The following PARD3 variants were observed in gnomAD, a reference collection of about 807,000 sequenced individuals.
The protein encoded by PARD3 is partitioning defective 3 homolog.
A neutral mutation model predicts 155.4 loss-of-function variants in PARD3; 75 were observed. The ratio of observed to expected loss-of-function variants is 0.48; its 90% CI spans 0.40 to 0.58. PARD3 has a LOEUF of 0.58. Among genes scored for constraint, PARD3 ranks in the 20% least tolerant of loss-of-function variants. The probability of loss-of-function intolerance (pLI) is 0.00; values close to 1 mark genes in which losing one functional copy is unlikely to be tolerated. For synonymous variants in PARD3, 576 were observed against 610.5 expected (o/e 0.94, Z 0.83); for missense variants, 1,642 against 1,721.7 (o/e 0.95, Z 0.82).
intron 1 of PARD3, among the ~76,000 whole-genome samples, chr10:34,727,062 T>C (rs1421579057): frequency 5.3e-5 from 8 of 152,220 alleles, no homozygotes; most frequent in Non-Finnish European, 1.0e-4. Context: ...CCACTGCTCT[T>C]ACCATTACAC....
intron 22 of PARD3, among the ~76,000 whole-genome samples, chr10:34,244,412 A>G (rs1358297489): frequency 6.6e-6 from 1 of 152,218 alleles, no homozygotes; most frequent in Non-Finnish European, 1.5e-5. Flanking sequence ...ACACAGACGA[A>G]CAGAGATACT....
rs376195839 is a variant in PARD3 at position 34,189,280 on chromosome 10, T to C, written c.3420-57697A>G. Among the ~76,000 whole-genome samples, 30 of 152,302 alleles carry C rather than the reference T, an allele frequency of 2.0e-4. No homozygotes were observed. The East Asian group carries it at 3.3e-3, about 17-fold the overall frequency. ...AGGAGCTGGAGGATGCAGTGAGCCATAACAGTGCCACTGCACTGCAGCCTG... is the reference window on the plus strand; with the variant it reads ...AGGAGCTGGAGGATGCAGTGAGCCACAACAGTGCCACTGCACTGCAGCCTG... On this transcript the variant is annotated intron_variant, in intron 22 of 24. Coordinates refer to ENST00000374788, the MANE Select transcript of PARD3 (RefSeq NM_001184785.2).
intron 22 of PARD3, among the ~76,000 whole-genome samples, chr10:34,170,003 G>C (rs138034977): frequency 1.1e-4 from 16 of 152,334 alleles, no homozygotes; most frequent in African/African-American, 3.8e-4. Flanking sequence ...TTCACTTGCA[G>C]AATCCTTAAC....
In PARD3 at chr10:34,616,359, T is replaced by C. The variant is rs573898653; in HGVS notation, c.222+79959A>G. On this transcript the variant is annotated intron_variant, in intron 2 of 24. Coordinates refer to ENST00000374788, the MANE Select transcript of PARD3 (RefSeq NM_001184785.2). ...TTAAAAAAAGCAGAACAATCATACA[T>C]CCAGCAACCCCACTGCTGCATATAC... is the stretch of plus-strand genomic sequence containing the variant. Among the ~76,000 whole-genome samples the C allele has an allele frequency of 2.0e-5, 3 of 152,046 alleles. No individual in the cohort carries two copies. The South Asian group carries it at 6.3e-4, about 32-fold the overall frequency.
chr10:34,669,342 G>A (rs868547990), intron 2 of PARD3, among the ~76,000 whole-genome samples: 1 of 152,282 alleles, frequency 6.6e-6, no homozygotes, highest in Middle Eastern at 3.4e-3. Context: ...ATTATCCAAA[G>A]TGAAACAACT....
chr10:34,607,774 G>A (rs1002226605), intron 2 of PARD3, among the ~76,000 whole-genome samples: 8 of 152,110 alleles, frequency 5.3e-5, no homozygotes, highest in African/African-American at 4.8e-5. Flanking sequence ...CAACTCCCAC[G>A]CCATTCTGTT....
intron 2 of PARD3, among the ~76,000 whole-genome samples, chr10:34,624,905 G>T (rs1461303745): frequency 6.6e-6 from 1 of 152,180 alleles, no homozygotes; most frequent in African/African-American, 2.4e-5. Flanking sequence ...GGCTTCTCAG[G>T]GCTCAGGCCA....
intron 24 of PARD3, 25 bp from the exon 25 acceptor site, chr10:34,111,587 G>C: frequency 5.7e-6 from 9 of 1,566,868 alleles, no homozygotes; most frequent in Non-Finnish European, 7.8e-6. Context: ...CCAAAGGTTA[G>C]TGTGAGGGTA....
intron 12 of PARD3, among the ~76,000 whole-genome samples, chr10:34,365,262 G>A (rs960707299): frequency 6.6e-6 from 1 of 151,994 alleles, no homozygotes; most frequent in African/African-American, 2.4e-5. Flanking sequence ...TGAAAGTCAG[G>A]AAAATTAAGA....
At chr10:34,646,960 T>C (rs1242810804) in intron 2 of PARD3, among the ~76,000 whole-genome samples, 5 of 152,246 alleles carry the variant, frequency 3.3e-5, no homozygotes, top group South Asian at 4.1e-4. Flanking sequence ...ATACCTCTGA[T>C]GGTCTCATAA....
chr10:34,321,676 T>C (rs942701143), intron 19 of PARD3, among the ~76,000 whole-genome samples: 1 of 152,172 alleles, frequency 6.6e-6, no homozygotes, highest in African/African-American at 2.4e-5. Context: ...ACATACCTAA[T>C]TACCATGTTT....
intron 1 of PARD3, among the ~76,000 whole-genome samples, chr10:34,794,333 T>C (rs1315141182): frequency 6.6e-6 from 1 of 152,226 alleles, no homozygotes; most frequent in Admixed American, 6.5e-5. Context: ...CCCCAAAGAA[T>C]TTCACTTCAG....
At chr10:34,790,458 C>G (rs1001875910) in intron 1 of PARD3, among the ~76,000 whole-genome samples, 2 of 152,176 alleles carry the variant, frequency 1.3e-5, no homozygotes, top group African/African-American at 4.8e-5. Context: ...CTGCTCTCCC[C>G]CTGATAAGGC....
intron 2 of PARD3, among the ~76,000 whole-genome samples, chr10:34,694,107 C>T (rs2094119149): frequency 6.9e-6 from 1 of 145,342 alleles, no homozygotes; most frequent in African/African-American, 2.6e-5. Context: ...GCTATTTTTA[C>T]ATAGGAAGTA....
Position 34,351,978 on chromosome 10 carries a change from G to A in PARD3, c.2068-3863C>T, listed in dbSNP as rs564389643. On this transcript the variant is annotated intron_variant, in intron 14 of 24. Coordinates refer to ENST00000374788, the MANE Select transcript of PARD3 (RefSeq NM_001184785.2). ...AATATACCTTTCTCATTCTAAGAGG[G>A]TTAAGCCTAGAGAAAAAATTCATTT... Among the ~76,000 whole-genome samples the A allele has an allele frequency of 7.2e-5, 11 of 152,250 alleles. No individual in the cohort carries two copies. The East Asian group carries it at 1.5e-3, about 21-fold the overall frequency.
At chr10:34,455,969 C>T (rs1260438784) in intron 4 of PARD3, among the ~76,000 whole-genome samples, 1 of 152,196 alleles carries the variant, frequency 6.6e-6, no homozygotes, top group African/African-American at 2.4e-5. Context: ...TACATGTATA[C>T]ATCTTACTTT....
At chr10:34,606,284 C>T (rs190821308) in intron 2 of PARD3, among the ~76,000 whole-genome samples, 8 of 150,350 alleles carry the variant, frequency 5.3e-5, no homozygotes, top group African/African-American at 1.7e-4. Context: ...TGTACAGTCA[C>T]GTGCTCCGGG....
intron 22 of PARD3, among the ~76,000 whole-genome samples, chr10:34,196,066 G>A (rs1222641234): frequency 6.6e-6 from 1 of 152,146 alleles, no homozygotes; most frequent in African/African-American, 2.4e-5. Context: ...CCCTTTCTTA[G>A]CCCAATTATT....
intron 1 of PARD3, among the ~76,000 whole-genome samples, chr10:34,777,389 C>A (rs1351397062): frequency 6.6e-6 from 1 of 152,150 alleles, no homozygotes; most frequent in Non-Finnish European, 1.5e-5. Context: ...GCCTTCCCTG[C>A]AGCCCCATGT....
Sources: allele counts gnomAD v4.1 joint callset (sites outside exome capture counted in the v4.1 genomes callset), GRCh38; gene constraint gnomAD v4.1.1; transcripts MANE v1.5; gene names NCBI Gene and HGNC (gene_info 2026-07-23, HGNC 2026-07-21).